Variants in N4BP2 observed in about 807,000 individuals in gnomAD.
N4BP2 encodes NEDD4-binding protein 2.
In N4BP2, 91 loss-of-function variants were observed where a neutral mutation model predicts 152.8. The observed-to-expected ratio is 0.60, with a 90% CI of 0.50 to 0.71. N4BP2 has a LOEUF of 0.71. N4BP2 is among the 30% of genes least tolerant of loss of function. The probability of loss-of-function intolerance (pLI) is 0.00; values close to 1 mark genes in which losing one functional copy is unlikely to be tolerated. For missense variants in N4BP2, 1,923 were observed against 2,059.1 expected (o/e 0.93, Z 1.28); for synonymous variants, 646 against 705.3 (o/e 0.92, Z 1.33).
At chr4:40,146,869 CTTT>C (rs33993973) in intron 16 of N4BP2, among the ~76,000 whole-genome samples, 26,806 of 90,210 alleles carry the variant, frequency 0.3, 3,628 homozygotes, top group South Asian at 0.5. Flanking sequence ...ATGTGTTTGG[CTTT>C]TTTTTTTTTT....
chr4:40,084,593 G>A (rs993303692), intron 2 of N4BP2, among the ~76,000 whole-genome samples: 3 of 149,306 alleles, frequency 2.0e-5, no homozygotes, highest in Non-Finnish European at 4.4e-5. Flanking sequence ...GCACCTCCAC[G>A]CCCAGCCAAA....
At chr4:40,064,227 T>C (rs960524541) in intron 1 of N4BP2, among the ~76,000 whole-genome samples, 13 of 152,242 alleles carry the variant, frequency 8.5e-5, no homozygotes, top group African/African-American at 3.1e-4. Context: ...TCCAACATTT[T>C]AAAGAAGTTG....
chr4:40,108,291 A>C (rs1488486238), intron 5 of N4BP2, among the ~76,000 whole-genome samples: 1 of 151,022 alleles, frequency 6.6e-6, no homozygotes, highest in Non-Finnish European at 1.5e-5. Flanking sequence ...TGACCAGTTA[A>C]CCACTGGTTT....
the N4BP2 span, among the ~76,000 whole-genome samples, chr4:40,176,867 G>T: frequency 6.6e-6 from 1 of 152,198 alleles, no homozygotes; most frequent in African/African-American, 2.4e-5. Context: ...TTCAAACTGC[G>T]TGCGGGAAGC....
intron 13 of N4BP2, 114 bp from the exon 14 acceptor site, chr4:40,136,830 A>G: frequency 1.3e-6 from 1 of 750,892 alleles, no homozygotes; most frequent in Non-Finnish European, 2.1e-6. Flanking sequence ...TGAAAACTTA[A>G]AAGTAAGCCA....
intron 2 of N4BP2, among the ~76,000 whole-genome samples, chr4:40,074,935 A>G (rs1712573970): frequency 6.6e-6 from 1 of 152,014 alleles, no homozygotes; most frequent in Non-Finnish European, 1.5e-5. Context: ...TGAGCCTGGG[A>G]GGCAGAGGCT....
intron 13 of N4BP2, 145 bp downstream of exon 13, chr4:40,132,064 T>A: frequency 6.4e-6 from 4 of 620,230 alleles, no homozygotes; most frequent in Non-Finnish European, 1.1e-5. Flanking sequence ...CCACAGTGGG[T>A]GCATGAAACC....
the N4BP2 span, among the ~76,000 whole-genome samples, chr4:40,173,460 A>G: frequency 6.6e-6 from 1 of 152,200 alleles, no homozygotes; most frequent in Non-Finnish European, 1.5e-5. Flanking sequence ...TTGCTATACT[A>G]GGAGGCAGCA....
At chr4:40,117,697 C>A (rs1717474077) in intron 7 of N4BP2, among the ~76,000 whole-genome samples, 172 bp from the exon 8 acceptor site, 1 of 151,940 alleles carries the variant, frequency 6.6e-6, no homozygotes, top group South Asian at 2.1e-4. Flanking sequence ...TTTAAGAAAT[C>A]CTTAATAAAA....
In N4BP2 at chr4:40,059,309, G is replaced by C. The variant is rs541952575; in HGVS notation, c.-212+2279G>C. 3.3e-5 allele frequency among the ~76,000 whole-genome samples: 5 copies of C among 151,294 alleles called. No homozygotes were observed. In the East Asian group the frequency reaches 9.6e-4, roughly 29 times the overall value. ...TATGCAAAATCATATTGTAAGTCTT[G>C]GGAAGAATCAGTTGTCTATTAAATG... On this transcript the variant is annotated intron_variant, in intron 1 of 17. Transcript: ENST00000261435.
intron 1 of N4BP2, among the ~76,000 whole-genome samples, chr4:40,072,306 C>T (rs944385623): frequency 4.9e-5 from 7 of 142,914 alleles, no homozygotes; most frequent in Non-Finnish European, 7.5e-5. Context: ...AGTTCAGTGG[C>T]GTGATCTTGG....
intron 2 of N4BP2, among the ~76,000 whole-genome samples, chr4:40,092,529 T>C (rs896516651): frequency 3.9e-5 from 6 of 152,132 alleles, no homozygotes; most frequent in Non-Finnish European, 5.9e-5. Context: ...TTTTTCTTTG[T>C]CAGTCTTGCT....
the N4BP2 span, among the ~76,000 whole-genome samples, chr4:40,170,200 T>C: frequency 6.6e-6 from 1 of 152,114 alleles, no homozygotes; most frequent in Non-Finnish European, 1.5e-5. Flanking sequence ...CCTTAATCAT[T>C]CAGTTTTTTT....
chr4:40,150,377 C>G (rs1259683652), intron 16 of N4BP2, among the ~76,000 whole-genome samples: 1 of 152,094 alleles, frequency 6.6e-6, no homozygotes, highest in Non-Finnish European at 1.5e-5. Flanking sequence ...TTGTGAAAAT[C>G]TAGGATAGGC....
At chr4:40,076,431 C>T (rs1712738122) in intron 2 of N4BP2, among the ~76,000 whole-genome samples, 1 of 152,054 alleles carries the variant, frequency 6.6e-6, no homozygotes, top group Admixed American at 6.5e-5. Context: ...AGCTCAGATC[C>T]TGTCACTGCA....
chr4:40,143,147 A>T (rs1261618575), intron 15 of N4BP2, among the ~76,000 whole-genome samples: 2 of 152,122 alleles, frequency 1.3e-5, no homozygotes, highest in Non-Finnish European at 2.9e-5. Context: ...CAGAATATTA[A>T]TATTGGCCAT....
the N4BP2 span, among the ~76,000 whole-genome samples, chr4:40,171,809 A>G: frequency 0.019 from 2,902 of 152,286 alleles, 89 homozygotes; most frequent in African/African-American, 0.065. Context: ...GTCTGTAGTC[A>G]AAGTTCCAAG....
At chr4:40,149,705 T>A (rs1720960743) in intron 16 of N4BP2, among the ~76,000 whole-genome samples, 1 of 151,728 alleles carries the variant, frequency 6.6e-6, no homozygotes, top group African/African-American at 2.4e-5. Context: ...CCATCCTGGC[T>A]AACACAGTGA....
In N4BP2 at chr4:40,122,273, C is replaced by T. The variant is rs1412768589; in HGVS notation, c.4162C>T (p.Leu1388Phe). 1 of 1,588,966 alleles carries T rather than the reference C, an allele frequency of 6.3e-7. No homozygotes were observed. The highest frequency in any genetic ancestry group is 8.6e-7 in the Non-Finnish European group (1 of 1,166,026). Residue 1388 changes from leucine (L) to phenylalanine (F), a missense_variant, in exon 9 of 18, where the codon CTT becomes TTT. Leu to Phe is a conservative substitution (Grantham distance 22, BLOSUM62 0). Coordinates refer to ENST00000261435, the MANE Select transcript of N4BP2 (RefSeq NM_018177.6). ...LALPPELAFQ[L>F]NELFGPVGID... is the part of the protein sequence containing the mutation. ...ATTACCCCCTGAACTGGCTTTTCAACTTAATGAATTATTTGGTCCTGTTGG... is the reference window on the plus strand; with the variant it reads ...ATTACCCCCTGAACTGGCTTTTCAATTTAATGAATTATTTGGTCCTGTTGG...
Sources: gnomAD v4.1 joint callset for allele counts (sites outside exome capture counted in the v4.1 genomes callset) on GRCh38, gnomAD v4.1.1 for gene constraint, MANE v1.5 for transcripts, NCBI Gene and HGNC (gene_info 2026-07-23, HGNC 2026-07-21) for gene names.